Variants in TP63 observed in about 807,000 individuals in gnomAD.
TP63 encodes the protein tumor protein 63.
A neutral mutation model predicts 82.8 loss-of-function variants in TP63; 17 were observed. The observed-to-expected ratio is 0.21, with a 90% confidence interval of 0.14 to 0.31. The LOEUF is 0.31. TP63 is among the 10% of genes least tolerant of loss of function. The pLI is 1.00. For missense variants in TP63, 648 were observed against 895.3 expected (o/e 0.72, Z 3.52); for synonymous variants, 330 against 321.7 (o/e 1.03, Z -0.28).
chr3:189,769,882 G>A (rs565126720), intron 3 of TP63, among the ~76,000 whole-genome samples: 1 of 152,148 alleles, frequency 6.6e-6, no homozygotes, highest in African/African-American at 2.4e-5. Flanking sequence ...TCTAAATTTG[G>A]CTGAATAAAT....
At chr3:189,798,265 C>A (rs1311929195) in intron 3 of TP63, among the ~76,000 whole-genome samples, 1 of 152,108 alleles carries the variant, frequency 6.6e-6, no homozygotes, top group African/African-American at 2.4e-5. Flanking sequence ...CAAGCCTCTT[C>A]TATCTATATG....
intron 3 of TP63, among the ~76,000 whole-genome samples, chr3:189,778,462 T>A (rs1033392160): frequency 6.6e-6 from 1 of 152,226 alleles, no homozygotes. Context: ...CAATCTTTCC[T>A]ATTATGTGAA....
At chr3:189,620,508 A>G in the TP63 span, among the ~76,000 whole-genome samples, 3 of 140,808 alleles carry the variant, frequency 2.1e-5, no homozygotes, top group Admixed American at 2.1e-4. Context: ...GACTCCATCA[A>G]AAAAAAAACA....
In TP63 at chr3:189,895,780, T is replaced by C. The variant is rs1721421792; in HGVS notation, c.*1278T>C. 2 of 227,404 alleles carry C rather than the reference T, an allele frequency of 8.8e-6. No individual in the cohort carries two copies. Among genetic ancestry groups the C allele is most frequent in the Admixed American group, 1.1e-4 (2 of 17,610 alleles). The allele number at this position is 227,404 out of a possible 1,614,324, so 14.1% of individuals were successfully genotyped here. ...AGAGGCTTGTTTACCTTTCTCTCTCTAAGGTTTACAATAGGAGTGGTGATT... is the reference window on the plus strand; with the variant it reads ...AGAGGCTTGTTTACCTTTCTCTCTCCAAGGTTTACAATAGGAGTGGTGATT... On this transcript the variant is annotated 3_prime_UTR_variant, in exon 14 of 14. Transcript: ENST00000264731.
At chr3:189,787,915 TA>T (rs1724744040) in intron 3 of TP63, among the ~76,000 whole-genome samples, 1 of 152,002 alleles carries the variant, frequency 6.6e-6, no homozygotes, top group Non-Finnish European at 1.5e-5. Flanking sequence ...AATCTGTTTT[TA>T]AAAAGCACCC....
At chr3:189,614,067 C>G in the TP63 span, among the ~76,000 whole-genome samples, 1 of 152,044 alleles carries the variant, frequency 6.6e-6, no homozygotes, top group Non-Finnish European at 1.5e-5. Flanking sequence ...CTTGGGAAGG[C>G]ATGATTGGTT....
At chr3:189,657,256 C>T (rs1713465986) in intron 1 of TP63, among the ~76,000 whole-genome samples, 1 of 151,978 alleles carries the variant, frequency 6.6e-6, no homozygotes, top group South Asian at 2.1e-4. Context: ...TATAATACTG[C>T]AGTGATGCAT....
At chr3:189,625,964 G>C in the TP63 span, among the ~76,000 whole-genome samples, 4 of 152,110 alleles carry the variant, frequency 2.6e-5, no homozygotes, top group Admixed American at 2.6e-4. Flanking sequence ...CTTTCCTTCG[G>C]ACACTCCCTT....
At chr3:189,753,341 A>G (rs1721957140) in intron 3 of TP63, among the ~76,000 whole-genome samples, 2 of 152,082 alleles carry the variant, frequency 1.3e-5, no homozygotes, top group African/African-American at 2.4e-5. Context: ...GGTATGTCAT[A>G]TTTAAGATTG....
intron 1 of TP63, among the ~76,000 whole-genome samples, chr3:189,666,239 T>C (rs1714381851): frequency 6.6e-6 from 1 of 152,066 alleles, no homozygotes; most frequent in African/African-American, 2.4e-5. Context: ...CTAGTAGTTA[T>C]AGAAAGAGCA....
intron 1 of TP63, among the ~76,000 whole-genome samples, chr3:189,646,950 G>A (rs1712469435): frequency 6.8e-6 from 1 of 147,194 alleles, no homozygotes; most frequent in African/African-American, 2.5e-5. Flanking sequence ...AGAATGCCAC[G>A]ATTTTCATTG....
chr3:189,717,693 T>C (rs1043120153), intron 1 of TP63, among the ~76,000 whole-genome samples: 4 of 152,332 alleles, frequency 2.6e-5, no homozygotes, highest in Middle Eastern at 6.8e-3. Context: ...GCTTAATGCT[T>C]CTGCAAAATC....
the TP63 span, among the ~76,000 whole-genome samples, chr3:189,606,980 C>T: frequency 6.6e-6 from 1 of 152,132 alleles, no homozygotes; most frequent in Non-Finnish European, 1.5e-5. Context: ...TTTCATGCTT[C>T]CCTGACTTGC....
At chr3:189,709,756 G>A (rs1198715027) in intron 1 of TP63, among the ~76,000 whole-genome samples, 11 of 152,164 alleles carry the variant, frequency 7.2e-5, no homozygotes, top group African/African-American at 2.4e-4. Context: ...TTCCTAAGAG[G>A]ACACTTTAGG....
At chr3:189,806,040 CTTTTTTTTTTTTTT>C (rs34836784) in intron 3 of TP63, among the ~76,000 whole-genome samples, 3 of 52,058 alleles carry the variant, frequency 5.8e-5, no homozygotes, top group African/African-American at 1.7e-4. Context: ...GAAGCAAACA[CTTTTTTTTTTTTTT>C]TTTTTTTTTT....
chr3:189,660,427 C>T (rs1713771527), intron 1 of TP63, among the ~76,000 whole-genome samples: 1 of 152,018 alleles, frequency 6.6e-6, no homozygotes, highest in Admixed American at 6.6e-5. Context: ...GGTACCAGTA[C>T]CATGCTGTTT....
intron 3 of TP63, among the ~76,000 whole-genome samples, chr3:189,756,561 C>A: frequency 6.6e-6 from 1 of 152,052 alleles, no homozygotes; most frequent in East Asian, 1.9e-4. Flanking sequence ...TCTAGAAATT[C>A]ACAAATATCA....
the TP63 span, among the ~76,000 whole-genome samples, chr3:189,618,822 T>C: frequency 1.8e-4 from 28 of 152,182 alleles, no homozygotes; most frequent in African/African-American, 6.8e-4. Context: ...AGCCATGTCC[T>C]CTTCCCTCAG....
chr3:189,807,625 G>A (rs956788701), intron 3 of TP63, among the ~76,000 whole-genome samples: 1 of 152,178 alleles, frequency 6.6e-6, no homozygotes, highest in African/African-American at 2.4e-5. Flanking sequence ...AATTAGACCA[G>A]TTTGGATGAT....
Sources: allele counts gnomAD v4.1 joint callset (sites outside exome capture counted in the v4.1 genomes callset), GRCh38; gene constraint gnomAD v4.1.1; transcripts MANE v1.5; gene names NCBI Gene and HGNC (gene_info 2026-07-23, HGNC 2026-07-21).